The following CNTNAP2 variants were observed in gnomAD, a reference collection of about 807,000 sequenced individuals.
CNTNAP2 encodes the protein contactin associated protein 2, also known as contactin-associated protein-like 2.
Under a neutral mutation model 155.2 loss-of-function variants are expected in CNTNAP2, and 98 were observed. The observed-to-expected ratio is 0.63, with a 90% CI of 0.54 to 0.75. CNTNAP2 has a LOEUF of 0.75. CNTNAP2 is among the 30% of genes least tolerant of loss of function. The pLI is 0.00. For synonymous variants in CNTNAP2, 651 were observed against 631.2 expected, an observed-to-expected ratio of 1.03 and a Z score of -0.47; for missense variants, 1,727 against 1,688.1, an observed-to-expected ratio of 1.02 and a Z score of -0.40.
Position 146,441,120 on chromosome 7 carries a change from T to G in CNTNAP2, c.97+324147T>G, listed in dbSNP as rs1526149. ...ATGAACGAGGTGATCAGAGGATACA[T>G]TCAATAATGTTTTTGACCTTTATTT... On this transcript the variant is annotated intron_variant, in intron 1 of 23. Transcript: ENST00000361727. 5.9e-5 allele frequency among the ~76,000 whole-genome samples: 9 copies of G among 151,596 alleles called. No homozygotes were observed. The South Asian group carries it at 1.9e-3, about 31-fold the overall frequency.
intron 13 of CNTNAP2, among the ~76,000 whole-genome samples, chr7:147,814,925 T>C (rs916135328): frequency 6.6e-6 from 1 of 152,148 alleles, no homozygotes; most frequent in Non-Finnish European, 1.5e-5. Flanking sequence ...ATATACCTAG[T>C]AATAATAATG....
chr7:148,348,647 C>G (rs1431157025), intron 21 of CNTNAP2, among the ~76,000 whole-genome samples: 1 of 152,218 alleles, frequency 6.6e-6, no homozygotes, highest in East Asian at 1.9e-4. Context: ...CTCAGGCACA[C>G]GTCATTCATT....
At position 148,366,254 on chromosome 7, in the gene CNTNAP2, AT is replaced by A. The variant is rs1563060342; in HGVS notation, c.3476-17394del. 2.0e-3 allele frequency among the ~76,000 whole-genome samples: 256 copies of A among 126,818 alleles called. 2 individuals carry two copies. Among genetic ancestry groups the A allele is most frequent in the Middle Eastern group, 8.3e-3 (2 of 240 alleles). The allele number at this position is 126,818 out of a possible 152,430, so 83.2% of individuals were successfully genotyped here. On this transcript the variant is annotated intron_variant, in intron 21 of 23. Transcript: ENST00000361727. The stretch of plus-strand genomic sequence containing the variant: ...GGTGTATATGTGTATGCATGTATAT[AT>A]GTGTGTATATGTGTACATGTATATA...
chr7:147,733,712 T>G (rs1189845292), intron 13 of CNTNAP2, among the ~76,000 whole-genome samples: 2 of 152,240 alleles, frequency 1.3e-5, no homozygotes, highest in Non-Finnish European at 2.9e-5. Context: ...TGGTTTGTAG[T>G]TCTCCTTGAA....
chr7:146,144,626 T>C (rs1797931305), intron 1 of CNTNAP2, among the ~76,000 whole-genome samples: 2 of 152,204 alleles, frequency 1.3e-5, no homozygotes, highest in South Asian at 4.1e-4. Context: ...CCATTGTTAT[T>C]CATTGACATT....
At chr7:147,426,556 T>G (rs1584942203) in intron 10 of CNTNAP2, among the ~76,000 whole-genome samples, 1 of 152,182 alleles carries the variant, frequency 6.6e-6, no homozygotes, top group East Asian at 1.9e-4. Flanking sequence ...TAATGTATCC[T>G]GCACAACTAG....
intron 20 of CNTNAP2, among the ~76,000 whole-genome samples, chr7:148,256,072 C>T (rs188094294): frequency 1.3e-5 from 2 of 152,248 alleles, no homozygotes; most frequent in Admixed American, 1.3e-4. Context: ...TGTCGGGAGC[C>T]AAGTCTGCCG....
chr7:147,456,349 C>A (rs1322295277), intron 10 of CNTNAP2, among the ~76,000 whole-genome samples: 1 of 151,988 alleles, frequency 6.6e-6, no homozygotes, highest in Non-Finnish European at 1.5e-5. Context: ...TGAAAAGTAT[C>A]AATGAAACAA....
chr7:146,780,016 C>A (rs999579256), intron 2 of CNTNAP2, among the ~76,000 whole-genome samples: 3 of 152,274 alleles, frequency 2.0e-5, no homozygotes, highest in African/African-American at 7.2e-5. Context: ...GATTTATAAT[C>A]CTTTGGGTGT....
intron 15 of CNTNAP2, among the ~76,000 whole-genome samples, chr7:148,003,151 A>G (rs1185043647): frequency 6.6e-6 from 1 of 152,068 alleles, no homozygotes; most frequent in Non-Finnish European, 1.5e-5. Flanking sequence ...AGGAGCATCA[A>G]CCTCTATGTG....
At chr7:146,379,201 T>A (rs1795347234) in intron 1 of CNTNAP2, among the ~76,000 whole-genome samples, 1 of 152,260 alleles carries the variant, frequency 6.6e-6, no homozygotes, top group Non-Finnish European at 1.5e-5. Flanking sequence ...TGGGTATGTT[T>A]TCTCAGTGAA....
chr7:146,441,138 C>A (rs1796315280), intron 1 of CNTNAP2, among the ~76,000 whole-genome samples: 1 of 151,448 alleles, frequency 6.6e-6, no homozygotes, highest in African/African-American at 2.5e-5. Flanking sequence ...TGTTTTTGAC[C>A]TTTATTTAAA....
chr7:147,482,922 T>C (rs1798449072), intron 10 of CNTNAP2, among the ~76,000 whole-genome samples: 1 of 151,018 alleles, frequency 6.6e-6, no homozygotes, highest in Admixed American at 6.6e-5. Flanking sequence ...GGTACACACC[T>C]GTAATCCCAG....
At chr7:146,127,804 A>G (rs768534095) in intron 1 of CNTNAP2, among the ~76,000 whole-genome samples, 2 of 152,218 alleles carry the variant, frequency 1.3e-5, no homozygotes, top group Non-Finnish European at 2.9e-5. Flanking sequence ...CTTCTAAATG[A>G]TAGCTGTAGC....
At chr7:147,995,765 G>T (rs147427751) in intron 15 of CNTNAP2, among the ~76,000 whole-genome samples, 3,954 of 152,030 alleles carry the variant, frequency 0.026, 175 homozygotes, top group African/African-American at 0.091. Context: ...TGCCCACCTC[G>T]GCCTCCCAAA....
chr7:146,712,147 TA>T (rs1327663247), intron 1 of CNTNAP2, among the ~76,000 whole-genome samples: 5 of 124,634 alleles, frequency 4.0e-5, no homozygotes, highest in South Asian at 2.6e-4. Flanking sequence ...GTATACTATA[TA>T]GTATACATAT....
At chr7:147,925,887 T>A (rs1461195257) in intron 14 of CNTNAP2, among the ~76,000 whole-genome samples, 1 of 152,214 alleles carries the variant, frequency 6.6e-6, no homozygotes, top group Non-Finnish European at 1.5e-5. Context: ...CCTCAACTCC[T>A]GGCAACAACT....
intron 12 of CNTNAP2, among the ~76,000 whole-genome samples, chr7:147,629,546 A>G (rs933924093): frequency 6.6e-6 from 1 of 151,974 alleles, no homozygotes; most frequent in Non-Finnish European, 1.5e-5. Flanking sequence ...TTCAACACAC[A>G]GAACATTCTC....
intron 3 of CNTNAP2, among the ~76,000 whole-genome samples, chr7:146,975,355 C>A (rs894628637): frequency 6.6e-6 from 1 of 152,120 alleles, no homozygotes; most frequent in Non-Finnish European, 1.5e-5. Flanking sequence ...GTCCCAGATA[C>A]TCAGGAGGCT....
Sources: gnomAD v4.1 joint callset for allele counts (sites outside exome capture counted in the v4.1 genomes callset) on GRCh38, gnomAD v4.1.1 for gene constraint, MANE v1.5 for transcripts, NCBI Gene and HGNC (gene_info 2026-07-23, HGNC 2026-07-21) for gene names.